Variants in ADAMTSL1 observed in about 807,000 individuals in gnomAD.
ADAMTSL1 encodes the protein ADAMTS like 1, also known as ADAMTS-like protein 1.
A neutral mutation model predicts 201.8 loss-of-function variants in ADAMTSL1; 126 were observed. The observed-to-expected ratio is 0.62, with a 90% CI of 0.54 to 0.72. The LOEUF (loss-of-function observed/expected upper bound fraction) is 0.72, where lower values mean the gene tolerates loss of function less well. ADAMTSL1 is among the 30% of genes least tolerant of loss of function. The pLI, the probability that ADAMTSL1 is intolerant of heterozygous loss-of-function variation, is 0.00. For missense variants in ADAMTSL1, 2,679 were observed against 2,277.8 expected, an observed-to-expected ratio of 1.18 and a Z score of -3.59; for synonymous variants, 1,121 against 903.4, an observed-to-expected ratio of 1.24 and a Z score of -4.32.
chr9:18,533,122 A>G (rs942690350), intron 2 of ADAMTSL1, 125 bp from the exon 3 acceptor site: 2 of 650,334 alleles, frequency 3.1e-6, no homozygotes, highest in African/African-American at 1.8e-5. Context: ...AAACCCTCTA[A>G]GAACATGCTT....
chr9:18,038,024 C>G (rs1375219911), intron 1 of ADAMTSL1, among the ~76,000 whole-genome samples: 4 of 152,050 alleles, frequency 2.6e-5, no homozygotes, highest in Non-Finnish European at 5.9e-5. Flanking sequence ...CGTGATGATA[C>G]GAGAAATCAA....
chr9:18,490,994 A>T (rs1226808219), intron 1 of ADAMTSL1, among the ~76,000 whole-genome samples: 1 of 152,234 alleles, frequency 6.6e-6, no homozygotes, highest in Admixed American at 6.5e-5. Flanking sequence ...GTGTAAAGGC[A>T]GGAAAGCACA....
rs529148580 is a variant in ADAMTSL1 at position 18,390,063 on chromosome 9, A to G, written c.208-114766A>G. 1.2e-4 allele frequency among the ~76,000 whole-genome samples: 19 copies of G among 152,328 alleles called. 1 individual carries two copies. The South Asian group carries it at 3.1e-3, about 25-fold the overall frequency. The stretch of plus-strand genomic sequence containing the variant: ...ATGAAATTTGGGCAGGTTAAAAATT[A>G]GAATAAGAATATTTAGTTTAAGCCA... On this transcript the variant is annotated intron_variant, in intron 2 of 29. Coordinates refer to the ADAMTSL1 transcript ENST00000680146.
At chr9:18,282,018 A>C (rs927792457) in intron 2 of ADAMTSL1, among the ~76,000 whole-genome samples, 1 of 152,164 alleles carries the variant, frequency 6.6e-6, no homozygotes, top group Non-Finnish European at 1.5e-5. Context: ...ACCTGGGTAT[A>C]TTGCATACTG....
At chr9:18,228,369 T>A (rs901525848) in intron 2 of ADAMTSL1, among the ~76,000 whole-genome samples, 2 of 152,136 alleles carry the variant, frequency 1.3e-5, no homozygotes, top group Non-Finnish European at 2.9e-5. Flanking sequence ...AATCCTCTCA[T>A]GCTGCTTGGA....
rs78124176 is a variant in ADAMTSL1, at chr9:18,254,793, C to T, written c.207+90812C>T. Among the ~76,000 whole-genome samples, 1,351 of 151,910 alleles carry T rather than the reference C, an allele frequency of 8.9e-3. 22 individuals are homozygous for T. Among genetic ancestry groups the T allele is most frequent in the African/African-American group, 0.031 (1,297 of 41,406 alleles). ...CAGTTGGTATGTATAAAGTTATTAG[C>T]TATGTGGCAAGAAGGGGAAAATTTT... On this transcript the variant is annotated intron_variant, in intron 2 of 29. Transcript: ENST00000680146.
intron 2 of ADAMTSL1, among the ~76,000 whole-genome samples, chr9:18,185,265 G>C (rs1828684491): frequency 1.3e-5 from 2 of 152,072 alleles, no homozygotes; most frequent in Admixed American, 1.3e-4. Flanking sequence ...TAGAAGATTT[G>C]CTTGAGAGTC....
At chr9:18,430,082 G>A (rs59311311) in intron 2 of ADAMTSL1, among the ~76,000 whole-genome samples, 2,064 of 152,116 alleles carry the variant, frequency 0.014, 49 homozygotes, top group African/African-American at 0.046. Context: ...GAGCCACCAT[G>A]CCTGGCCAAT....
At chr9:18,011,020 A>G (rs368640106) in intron 1 of ADAMTSL1, among the ~76,000 whole-genome samples, 2 of 152,096 alleles carry the variant, frequency 1.3e-5, no homozygotes. Flanking sequence ...CCCATGTGGC[A>G]AGTGAAAATT....
intron 1 of ADAMTSL1, among the ~76,000 whole-genome samples, chr9:18,043,367 G>A (rs944528889): frequency 2.0e-5 from 3 of 152,100 alleles, no homozygotes; most frequent in Admixed American, 2.0e-4. Context: ...AAAATTTTTT[G>A]GGGGGATGTG....
At chr9:18,873,512 C>T (rs1827978185) in intron 23 of ADAMTSL1, among the ~76,000 whole-genome samples, 1 of 152,148 alleles carries the variant, frequency 6.6e-6, no homozygotes, top group South Asian at 2.1e-4. Flanking sequence ...CATTCTCCTA[C>T]ATGTGGCTTG....
intron 1 of ADAMTSL1, among the ~76,000 whole-genome samples, chr9:18,051,218 G>A (rs900259264): frequency 2.6e-5 from 4 of 152,256 alleles, no homozygotes; most frequent in East Asian, 3.9e-4. Context: ...GGAGAATGGC[G>A]TGAACCCAGG....
At chr9:18,399,488 C>A (rs541799276) in intron 2 of ADAMTSL1, among the ~76,000 whole-genome samples, 2 of 145,288 alleles carry the variant, frequency 1.4e-5, no homozygotes, top group African/African-American at 5.1e-5. Flanking sequence ...ATTACAGACG[C>A]GTGTCACCAT....
At chr9:18,216,958 A>G (rs1207839461) in intron 2 of ADAMTSL1, among the ~76,000 whole-genome samples, 1 of 151,972 alleles carries the variant, frequency 6.6e-6, no homozygotes, top group Admixed American at 6.6e-5. Flanking sequence ...TGGGAGTACT[A>G]TTTGTACCCT....
intron 1 of ADAMTSL1, among the ~76,000 whole-genome samples, chr9:17,945,846 T>G (rs1827446109): frequency 1.4e-5 from 2 of 147,234 alleles, no homozygotes; most frequent in African/African-American, 2.5e-5. Context: ...GGGATAGCTT[T>G]AGGAGATATA....
At chr9:18,319,019 G>A (rs1212100635) in intron 2 of ADAMTSL1, among the ~76,000 whole-genome samples, 3 of 152,124 alleles carry the variant, frequency 2.0e-5, no homozygotes, top group Non-Finnish European at 4.4e-5. Context: ...GACTAGCCTG[G>A]GCAATATAGC....
At chr9:18,809,324 T>C (rs1823360736) in intron 20 of ADAMTSL1, among the ~76,000 whole-genome samples, 1 of 151,972 alleles carries the variant, frequency 6.6e-6, no homozygotes, top group African/African-American at 2.4e-5. Flanking sequence ...CGTGCAGAAG[T>C]CTGTAGGTGG....
At chr9:18,739,446 C>T (rs1818696848) in intron 15 of ADAMTSL1, among the ~76,000 whole-genome samples, 2 of 152,102 alleles carry the variant, frequency 1.3e-5, no homozygotes, top group Admixed American at 6.5e-5. Context: ...GGATAAAAGT[C>T]CTAGCAATAA....
In ADAMTSL1 at chr9:18,347,329, C is replaced by T. The variant is rs181538603; in HGVS notation, c.208-157500C>T. 1.7e-4 allele frequency among the ~76,000 whole-genome samples: 26 copies of T among 151,764 alleles called. 1 individual carries two copies. Among genetic ancestry groups the T allele is most frequent in the East Asian group, 1.2e-3 (6 of 5,154 alleles). ...AATATTGTTACCATATGGATTAATACGTAACTATTGAAAACTGGGATGAGA... is the reference window on the plus strand; with the variant it reads ...AATATTGTTACCATATGGATTAATATGTAACTATTGAAAACTGGGATGAGA... On this transcript the variant is annotated intron_variant, in intron 2 of 29. Coordinates refer to the ADAMTSL1 transcript ENST00000680146.
Sources: allele counts gnomAD v4.1 joint callset (sites outside exome capture counted in the v4.1 genomes callset), GRCh38; gene constraint gnomAD v4.1.1; transcripts MANE v1.5; gene names NCBI Gene and HGNC (gene_info 2026-07-23, HGNC 2026-07-21).